Variants in CACNA1F observed in about 807,000 individuals in gnomAD.
CACNA1F encodes calcium voltage-gated channel subunit alpha1 F.
CACNA1F carries 59 observed loss-of-function variants against 143.8 expected under a neutral mutation model. The ratio of observed to expected loss-of-function variants is 0.41; its 90% CI spans 0.33 to 0.51. The LOEUF (loss-of-function observed/expected upper bound fraction) is 0.51, where lower values mean the gene tolerates loss of function less well. CACNA1F is among the 20% of genes least tolerant of loss of function. The probability of loss-of-function intolerance (pLI) is 0.22; values close to 1 mark genes in which losing one functional copy is unlikely to be tolerated. For synonymous variants in CACNA1F, 643 were observed against 649.1 expected (o/e 0.99, Z 0.14); for missense variants, 1,411 against 1,647.5 (o/e 0.86, Z 2.48).
intron 9 of CACNA1F, 64 bp from the exon 10 acceptor site, chrX:49,226,766 G>A: frequency 9.7e-7 from 1 of 1,028,922 alleles, no homozygotes; most frequent in Non-Finnish European, 1.3e-6. Context: ...CCATGTCTAG[G>A]GTAGGGGTGT....
At chrX:49,214,130 G>T in intron 30 of CACNA1F, 29 bp downstream of exon 30, 3 of 955,546 alleles carry the variant, frequency 3.1e-6, no homozygotes, top group South Asian at 1.9e-5. Flanking sequence ...TTCATCCACT[G>T]GTGGGTGGGG....
intron 3 of CACNA1F, 22 bp from the exon 4 acceptor site, chrX:49,231,011 G>C (rs2147925202): frequency 9.1e-7 from 1 of 1,096,321 alleles, no homozygotes; most frequent in Non-Finnish European, 1.3e-6. Flanking sequence ...ACCGGGGGGC[G>C]GGTCGGGAAG....
intron 4 of CACNA1F, 22 bp downstream of exon 4, chrX:49,230,828 G>C (rs1557111157): frequency 1.7e-6 from 2 of 1,169,630 alleles, no homozygotes; most frequent in East Asian, 3.2e-5. Context: ...ACTAGGGTGG[G>C]GTGCCTCCCG....
chrX:49,211,276 C>T, intron 36 of CACNA1F, 46 bp downstream of exon 36: 6 of 1,198,238 alleles, frequency 5.0e-6, no homozygotes, highest in Non-Finnish European at 6.8e-6. Context: ...CCCCTCAGGG[C>T]CAGCCCCCGT....
Position 49,222,821 on chromosome X carries a change from G to T in CACNA1F, c.2103C>A (p.Asp701Glu). ...TACCATCATACATGACCACGTTCCA[G>T]TCCTCACCTGTCAGGATCTGGGGGT... is the stretch of plus-strand genomic sequence containing the variant. ...LTVFQILTGE[D>E]WNVVMYDGIM... The change falls in exon 16 of 48, where the codon GAC becomes GAA. Residue 701 changes from aspartate to glutamate, a missense_variant. By Grantham distance (45) the Asp-to-Glu change is conservative (BLOSUM62 2). Transcript: ENST00000323022. 8.3e-7 allele frequency: 1 copy of T among 1,211,160 alleles called. No individual in the cohort carries two copies. The highest frequency in any genetic ancestry group is 1.1e-6 in the Non-Finnish European group (1 of 895,219).
chrX:49,223,595 CAA>C (rs58022930), intron 14 of CACNA1F, among the ~76,000 whole-genome samples: 19 of 23,675 alleles, frequency 8.0e-4, no homozygotes, highest in Non-Finnish European at 1.2e-3. Flanking sequence ...GACTCTGTCT[CAA>C]AAAAAAAAAA....
At position 49,218,527 on chromosome X, in the gene CACNA1F, C is replaced by G; in HGVS notation, c.2856G>C (p.Ser952=). The G allele has an allele frequency of 8.4e-7, 1 of 1,191,176 alleles. No individual in the cohort carries two copies. Among genetic ancestry groups the G allele is most frequent in the Non-Finnish European group, 1.1e-6 (1 of 885,666 alleles). ...ISFGIHSSAI[S]VVKILRVLRV... Reference sequence around the variant, plus strand: ...GGAGTACTCGCAGAATCTTCACCACCGAGATGGCGCTGGAGCTGGGGAAGG... The same window carrying G: ...GGAGTACTCGCAGAATCTTCACCACGGAGATGGCGCTGGAGCTGGGGAAGG... The change falls in exon 24 of 48, where the codon TCG becomes TCC. Residue 952 remains serine, a synonymous_variant. Coordinates refer to ENST00000323022, the MANE Select transcript of CACNA1F (RefSeq NM_001256789.3).
chrX:49,222,505 G>A lies in CACNA1F; in HGVS notation c.2288+17C>T, dbSNP rs2065783072. 7 of 1,192,505 alleles carry A rather than the reference G, an allele frequency of 5.9e-6. No individual in the cohort carries two copies. The Middle Eastern group carries it at 1.2e-3, about 208-fold the overall frequency. On this transcript the variant is annotated intron_variant, in intron 17 of 47. Transcript: ENST00000323022. The stretch of plus-strand genomic sequence containing the variant: ...ATCCCAGAGAGAGACTGTGTTAGGG[G>A]TGGAGCCAGATCTCACCCGCCCTTG...
Position 49,219,765 on chromosome X carries a change from TTCCTCCTCCTCC to T in CACNA1F, c.2400_2411del (p.Glu811_Glu814del). On this transcript the variant is annotated inframe_deletion, in exon 20 of 48. Coordinates refer to ENST00000323022, the MANE Select transcript of CACNA1F (RefSeq NM_001256789.3). ...CCTCTTCTTCCTCTTCTTCCTCTTC[TTCCTCCTCCTCC>T]TCCTCCTCCATGTCTGGCACCAGAG... 9.0e-7 allele frequency: 1 copy of T among 1,109,222 alleles called. No homozygotes were observed. Among genetic ancestry groups the T allele is most frequent in the Non-Finnish European group, 1.2e-6 (1 of 820,123 alleles). The allele number at this position is 1,109,222 out of a possible 1,213,427, so 91.4% of individuals were successfully genotyped here. A position where few individuals can be genotyped will look rare whatever the true frequency, so the allele number is the denominator to read the frequency against.
At position 49,205,170 on chromosome X, in the gene CACNA1F, C is replaced by G; in HGVS notation, c.5868G>C (p.Leu1956Phe). Residue 1956 changes from leucine (L) to phenylalanine (F), a missense_variant, in exon 48 of 48, where the codon TTG becomes TTC. Leu to Phe is a conservative substitution (Grantham distance 22, BLOSUM62 0). Coordinates refer to ENST00000323022, the MANE Select transcript of CACNA1F (RefSeq NM_001256789.3). ...SILSRFDEEDLGDEMACVHAL is the reference protein window; with the variant it reads ...SILSRFDEEDFGDEMACVHAL Reference sequence around the variant, plus strand: ...CGTGGACGCAGGCCATCTCGTCTCCCAAGTCCTCCTCATCGAAGCGGGAGA... The same window carrying G: ...CGTGGACGCAGGCCATCTCGTCTCCGAAGTCCTCCTCATCGAAGCGGGAGA... The G allele has an allele frequency of 8.3e-7, 1 of 1,211,052 alleles. No individual in the cohort carries two copies. The highest frequency in any genetic ancestry group is 1.1e-6 in the Non-Finnish European group (1 of 894,860).
chrX:49,227,624 C>T (rs1557110346), intron 8 of CACNA1F, among the ~76,000 whole-genome samples: 1 of 112,555 alleles, frequency 8.9e-6, no homozygotes, highest in Non-Finnish European at 1.9e-5. Flanking sequence ...CTGCACCTGG[C>T]CTCTTTCACA....
chrX:49,228,637 T>C (rs1291874825), intron 6 of CACNA1F, among the ~76,000 whole-genome samples, 190 bp from the exon 7 acceptor site: 2 of 112,429 alleles, frequency 1.8e-5, no homozygotes, highest in African/African-American at 6.5e-5. Context: ...CGATCTCGGC[T>C]CACCACAACT....
At chrX:49,213,101 G>C in intron 31 of CACNA1F, 107 bp from the exon 32 acceptor site, 1 of 663,181 alleles carries the variant, frequency 1.5e-6, no homozygotes, top group Non-Finnish European at 2.4e-6. Flanking sequence ...GGTGATGGTG[G>C]GGTCATTACA....
intron 32 of CACNA1F, 85 bp downstream of exon 32, chrX:49,212,889 C>T: frequency 8.6e-7 from 1 of 1,167,352 alleles, no homozygotes; most frequent in Non-Finnish European, 1.2e-6. Flanking sequence ...CCAAATCACT[C>T]AGGCCCTAGG....
At chrX:49,220,124 C>A (rs1241284145) in intron 19 of CACNA1F, among the ~76,000 whole-genome samples, 3 of 112,259 alleles carry the variant, frequency 2.7e-5, no homozygotes, top group South Asian at 7.4e-4. Context: ...CTCCCCCAGG[C>A]TGGACTTCAG....
intron 6 of CACNA1F, among the ~76,000 whole-genome samples, chrX:49,228,657 C>T (rs782143211): frequency 4.4e-5 from 5 of 112,583 alleles, no homozygotes; most frequent in Non-Finnish European, 9.4e-5. Context: ...TTCCGCCTCC[C>T]GGGTTCAAGC....
In CACNA1F at chrX:49,230,907, G is replaced by T; in HGVS notation, c.464C>A (p.Pro155His). ...CCAGCCATTGCGGATGTAGGCGCTG[G>T]GGTGGAGCACCAGCCCGTAGGCCAC... ...KIVAYGLVLH[P>H]SAYIRNGWNL... The change falls in exon 4 of 48, where the codon CCC becomes CAC. Residue 155 changes from proline to histidine, a missense_variant. Pro to His is a moderately conservative substitution (Grantham distance 77, BLOSUM62 -2). Coordinates refer to ENST00000323022, the MANE Select transcript of CACNA1F (RefSeq NM_001256789.3). The T allele has an allele frequency of 8.4e-7, 1 of 1,191,123 alleles. No homozygotes were observed. Among genetic ancestry groups the T allele is most frequent in the Non-Finnish European group, 1.1e-6 (1 of 883,750 alleles).
In CACNA1F at chrX:49,218,780, G is replaced by A. The variant is rs782027978; in HGVS notation, c.2734-45C>T. On this transcript the variant is annotated intron_variant, in intron 22 of 47. Coordinates refer to ENST00000323022, the MANE Select transcript of CACNA1F (RefSeq NM_001256789.3). The stretch of plus-strand genomic sequence containing the variant: ...CTAGACTCAGACCTGGGGATGGTGG[G>A]GGTTGGGGGAGGTGGGGATGGGGAC... The A allele has an allele frequency of 8.6e-5, 85 of 987,181 alleles. No homozygotes were observed. In the South Asian group the frequency reaches 1.7e-3, roughly 20 times the overall value. 81.4% of individuals were successfully genotyped at this position (987,181 alleles called of 1,213,427 possible).
rs1465251770 is a variant in CACNA1F at position 49,227,010 on chromosome X, T to C, written c.1236A>G (p.Glu412=). 6 of 1,210,250 alleles carry C rather than the reference T, an allele frequency of 5.0e-6. No individual in the cohort carries two copies. The highest frequency in any genetic ancestry group is 6.7e-6 in the Non-Finnish European group (6 of 895,004). The part of the protein sequence containing the change: ...RGYLDWITQA[E]ELDMEDPSAD... ...CGGAGGGGTCCTCCATGTCCAGCTC[T>C]TCGGCTTGAGTGATCCAGTCCAGGT... The change falls in exon 9 of 48, where the codon GAA becomes GAG. Residue 412 remains glutamate (E), a synonymous_variant. Transcript: ENST00000323022.
Sources: gnomAD v4.1 joint callset for allele counts (sites outside exome capture counted in the v4.1 genomes callset) on GRCh38, gnomAD v4.1.1 for gene constraint, MANE v1.5 for transcripts, NCBI Gene and HGNC (gene_info 2026-07-23, HGNC 2026-07-21) for gene names.